Variants in RAPGEF2 observed in about 807,000 individuals in gnomAD.
RAPGEF2 encodes PDZ domain containing guanine nucleotide exchange factor (GEF) 1.
RAPGEF2 carries 54 observed loss-of-function variants against 186.7 expected under a neutral mutation model. The ratio of observed to expected loss-of-function variants is 0.29; its 90% CI spans 0.23 to 0.36. The LOEUF (loss-of-function observed/expected upper bound fraction) is 0.36, where lower values mean the gene tolerates loss of function less well. Ranked by LOEUF, RAPGEF2 falls within the 10% of genes least tolerant of loss-of-function variation. The pLI is 1.00. For synonymous variants in RAPGEF2, 712 were observed against 705.9 expected (o/e 1.01, Z -0.14); for missense variants, 1,532 against 2,045.0 (o/e 0.75, Z 4.84).
intron 7 of RAPGEF2, among the ~76,000 whole-genome samples, chr4:159,252,302 G>A (rs1755550302): frequency 6.6e-6 from 1 of 152,100 alleles, no homozygotes; most frequent in Non-Finnish European, 1.5e-5. Context: ...TGCCTGCCTT[G>A]GCCTCCCAAA....
Position 159,338,347 on chromosome 4 carries a change from A to G in RAPGEF2, c.2172A>G (p.Ile724Met), listed in dbSNP as rs1163593725. The stretch of plus-strand genomic sequence containing the variant: ...TTGGTCAGTCTCAAGATGACAGCAT[A>G]GTAGGATTAAGGCAGACAAAGCACA... ...IGIGQSQDDS[I>M]VGLRQTKHIP... Residue 724 changes from isoleucine to methionine, a missense_variant, in exon 18 of 30, where the codon ATA becomes ATG. Physicochemically the swap from Ile to Met is conservative, Grantham distance 10 (BLOSUM62 1). Coordinates refer to ENST00000691494, the MANE Select transcript of RAPGEF2 (RefSeq NM_001394067.2). The G allele has an allele frequency of 6.2e-7, 1 of 1,614,154 alleles. No individual in the cohort carries two copies. The highest frequency in any genetic ancestry group is 8.5e-7 in the Non-Finnish European group (1 of 1,179,990).
chr4:159,250,957 A>AC (rs1437492861), intron 7 of RAPGEF2, among the ~76,000 whole-genome samples: 1 of 152,162 alleles, frequency 6.6e-6, no homozygotes, highest in Non-Finnish European at 1.5e-5. Context: ...GCTGTGCGCC[A>AC]CGCTCATGGG....
At position 159,231,302 on chromosome 4, in the gene RAPGEF2, A is replaced by G. The variant is rs531449516; in HGVS notation, c.282-7507A>G. Among the ~76,000 whole-genome samples the G allele has an allele frequency of 5.3e-5, 8 of 152,240 alleles. No homozygotes were observed. The East Asian group carries it at 5.8e-4, about 11-fold the overall frequency. ...CACAACAGTAAAATCGCCAAACAAC[A>G]TATTTCCCAGAACATATCTCCATTC... On this transcript the variant is annotated intron_variant, in intron 4 of 29. Coordinates refer to ENST00000691494, the MANE Select transcript of RAPGEF2 (RefSeq NM_001394067.2).
chr4:159,178,177 A>G (rs1746636005), intron 1 of RAPGEF2, among the ~76,000 whole-genome samples: 1 of 152,198 alleles, frequency 6.6e-6, no homozygotes, highest in African/African-American at 2.4e-5. Flanking sequence ...AAGGAAAAAG[A>G]TATGTCTTTT....
chr4:159,280,563 C>T (rs1057368650), intron 7 of RAPGEF2, among the ~76,000 whole-genome samples: 2 of 152,170 alleles, frequency 1.3e-5, no homozygotes, highest in Admixed American at 6.5e-5. Context: ...CTTTATTAGT[C>T]ACAGGTATAT....
intron 9 of RAPGEF2, among the ~76,000 whole-genome samples, chr4:159,318,617 T>C (rs1030291149): frequency 2.0e-5 from 3 of 152,222 alleles, no homozygotes; most frequent in African/African-American, 7.2e-5. Flanking sequence ...GACTTTATCA[T>C]ATTAATTTTT....
intron 8 of RAPGEF2, among the ~76,000 whole-genome samples, chr4:159,313,395 A>G (rs1198748524): frequency 6.6e-6 from 1 of 152,202 alleles, no homozygotes; most frequent in Admixed American, 6.5e-5. Context: ...TAAGAGAATA[A>G]TAAAAGTTAA....
chr4:159,287,535 C>G (rs1760661068), intron 7 of RAPGEF2, among the ~76,000 whole-genome samples: 1 of 152,058 alleles, frequency 6.6e-6, no homozygotes, highest in Non-Finnish European at 1.5e-5. Context: ...AGTGATAGGA[C>G]TTGACTATAA....
intron 17 of RAPGEF2, among the ~76,000 whole-genome samples, chr4:159,334,164 C>T (rs893580583): frequency 1.3e-4 from 20 of 152,180 alleles, no homozygotes; most frequent in African/African-American, 4.1e-4. Flanking sequence ...ACAGAAAATA[C>T]GAATCAATTT....
intron 1 of RAPGEF2, among the ~76,000 whole-genome samples, chr4:159,105,315 G>T (rs1737758514): frequency 6.6e-6 from 1 of 152,206 alleles, no homozygotes; most frequent in Non-Finnish European, 1.5e-5. Context: ...TGCTTCGCTT[G>T]TTAGATGTTG....
intron 7 of RAPGEF2, among the ~76,000 whole-genome samples, chr4:159,281,563 C>T (rs1759705366): frequency 6.7e-6 from 1 of 148,798 alleles, no homozygotes; most frequent in Non-Finnish European, 1.5e-5. Context: ...CCCAGCTACT[C>T]GGGAGGCTGA....
At position 159,142,141 on chromosome 4, in the gene RAPGEF2, G is replaced by A. The variant is rs1742416391; in HGVS notation, c.69+37910G>A. Among the ~76,000 whole-genome samples, 3 of 152,054 alleles carry A rather than the reference G, an allele frequency of 2.0e-5. No individual in the cohort carries two copies. The South Asian group carries it at 6.2e-4, about 32-fold the overall frequency. ...AACAATTGAAAAAATGATTTAATTT[G>A]GGTATTTATTTATTTTTGACTTTGA... On this transcript the variant is annotated intron_variant, in intron 1 of 29. Transcript: ENST00000691494.
At chr4:159,347,033 A>G in intron 25 of RAPGEF2, 35 bp downstream of exon 25, 1 of 1,568,114 alleles carries the variant, frequency 6.4e-7, no homozygotes, top group Non-Finnish European at 8.8e-7. Context: ...TTTTGGTGCC[A>G]TTCACTGTCA....
chr4:159,234,546 C>G (rs1753007185), intron 4 of RAPGEF2, among the ~76,000 whole-genome samples: 2 of 134,890 alleles, frequency 1.5e-5, no homozygotes, highest in Admixed American at 8.1e-5. Context: ...CCATGCCCGG[C>G]TAATTTTTTT....
intron 7 of RAPGEF2, among the ~76,000 whole-genome samples, chr4:159,259,155 T>C (rs1756520810): frequency 6.6e-6 from 1 of 152,214 alleles, no homozygotes; most frequent in Admixed American, 6.5e-5. Context: ...AAGCCAAACA[T>C]AGGTCTTTCC....
chr4:159,302,745 C>G (rs963818049), intron 7 of RAPGEF2, among the ~76,000 whole-genome samples: 4 of 151,910 alleles, frequency 2.6e-5, no homozygotes, highest in Non-Finnish European at 5.9e-5. Flanking sequence ...AGTTGTTATT[C>G]TCCTAAATAT....
intron 1 of RAPGEF2, among the ~76,000 whole-genome samples, chr4:159,169,056 A>G (rs1295747545): frequency 6.6e-6 from 1 of 152,206 alleles, no homozygotes; most frequent in African/African-American, 2.4e-5. Flanking sequence ...TATTGTACCA[A>G]CCTTTGTATC....
intron 4 of RAPGEF2, among the ~76,000 whole-genome samples, chr4:159,230,380 T>TAA (rs1363605629): frequency 6.6e-6 from 1 of 152,200 alleles, no homozygotes; most frequent in Non-Finnish European, 1.5e-5. Context: ...GCATGTCTTA[T>TAA]ATACAAATAC....
intron 4 of RAPGEF2, among the ~76,000 whole-genome samples, chr4:159,220,800 G>A (rs1043970583): frequency 6.6e-6 from 1 of 152,204 alleles, no homozygotes; most frequent in Non-Finnish European, 1.5e-5. Context: ...CTAGGACACA[G>A]CAGGCATTTA....
Sources: allele counts gnomAD v4.1 joint callset (sites outside exome capture counted in the v4.1 genomes callset), GRCh38; gene constraint gnomAD v4.1.1; transcripts MANE v1.5; gene names NCBI Gene and HGNC (gene_info 2026-07-23, HGNC 2026-07-21).